EML4: variants seen among roughly 807,000 people sequenced by gnomAD.
EML4 encodes the protein echinoderm microtubule-associated protein-like 4.
In EML4, 72 loss-of-function variants were observed where a neutral mutation model predicts 129.0. The ratio of observed to expected loss-of-function variants is 0.56; its 90% CI spans 0.46 to 0.68. The LOEUF is 0.68. EML4 is among the 30% of genes least tolerant of loss of function. The pLI, the probability that EML4 is intolerant of heterozygous loss-of-function variation, is 0.00. For synonymous variants in EML4, 532 were observed against 405.0 expected (o/e 1.31, Z -3.77); for missense variants, 1,363 against 1,190.6 (o/e 1.14, Z -2.13).
chr2:42,285,694 G>A (rs925494430), intron 9 of EML4, among the ~76,000 whole-genome samples: 2 of 151,616 alleles, frequency 1.3e-5, no homozygotes, highest in African/African-American at 4.9e-5. Context: ...TGTCTCCCAG[G>A]TTCAAGCAAT....
At chr2:42,198,870 G>A (rs749086203) in intron 1 of EML4, among the ~76,000 whole-genome samples, 31 of 152,318 alleles carry the variant, frequency 2.0e-4, no homozygotes, top group Non-Finnish European at 4.3e-4. Context: ...GTACCCAGCA[G>A]CCATTGTGTA....
At chr2:42,301,511 T>C (rs1041394133) in intron 14 of EML4, 119 bp downstream of exon 14, 53 of 818,484 alleles carry the variant, frequency 6.5e-5, no homozygotes, top group Admixed American at 1.2e-4. Context: ...TTTCATTTCC[T>C]TTCCTCAAGA....
intron 19 of EML4, among the ~76,000 whole-genome samples, chr2:42,320,971 G>A (rs1480514045): frequency 2.0e-5 from 3 of 151,732 alleles, no homozygotes; most frequent in Admixed American, 2.0e-4. Flanking sequence ...CAAAAAGAGG[G>A]GGAAAAAAAG....
At chr2:42,243,499 A>G (rs915330950) in intron 1 of EML4, among the ~76,000 whole-genome samples, 24 of 152,000 alleles carry the variant, frequency 1.6e-4, no homozygotes, top group Non-Finnish European at 4.4e-5. Flanking sequence ...TGTACTTTGT[A>G]CATATCCTAG....
At chr2:42,243,057 C>T (rs537824386) in intron 1 of EML4, among the ~76,000 whole-genome samples, 8 of 152,130 alleles carry the variant, frequency 5.3e-5, no homozygotes, top group East Asian at 3.9e-4. Context: ...GGATTACAGT[C>T]GTGACCTGCC....
At chr2:42,256,309 C>T (rs751852079) in intron 2 of EML4, among the ~76,000 whole-genome samples, 192 bp from the exon 3 acceptor site, 4 of 152,080 alleles carry the variant, frequency 2.6e-5, no homozygotes, top group Non-Finnish European at 5.9e-5. Context: ...AGGTCTGTTT[C>T]GATGGGATTA....
intron 1 of EML4, among the ~76,000 whole-genome samples, chr2:42,209,208 A>G (rs1326650079): frequency 6.6e-6 from 1 of 152,242 alleles, no homozygotes; most frequent in African/African-American, 2.4e-5. Flanking sequence ...GTTTCAAAAC[A>G]TGAAATAATT....
At position 42,301,285 on chromosome 2, in the gene EML4, G is replaced by C; in HGVS notation, c.1534G>C (p.Val512Leu). 6.2e-7 allele frequency: 1 copy of C among 1,613,132 alleles called. No homozygotes were observed. Among genetic ancestry groups the C allele is most frequent in the Non-Finnish European group, 8.5e-7 (1 of 1,179,580 alleles). ...ACAAATCAAAGCTCATGATGGCAGTGTGTTCACACTTTGTCAGATGAGAAA... is the reference window on the plus strand; with the variant it reads ...ACAAATCAAAGCTCATGATGGCAGTCTGTTCACACTTTGTCAGATGAGAAA... ...SKQIKAHDGS[V>L]FTLCQMRNGM... is the part of the protein sequence containing the mutation. The change falls in exon 14 of 23, where the codon GTG becomes CTG. Residue 512 changes from valine to leucine, a missense_variant. Val to Leu is a conservative substitution (Grantham distance 32). Transcript: ENST00000318522.
intron 1 of EML4, among the ~76,000 whole-genome samples, chr2:42,222,206 T>C (rs1478966704): frequency 6.6e-6 from 1 of 152,162 alleles, no homozygotes; most frequent in African/African-American, 2.4e-5. Flanking sequence ...ATTTTATATA[T>C]TTTAAAATCA....
In EML4 at chr2:42,282,898, A is replaced by T; in HGVS notation, c.867A>T (p.Ala289=). 1 of 1,611,978 alleles carries T rather than the reference A, an allele frequency of 6.2e-7. No homozygotes were observed. The highest frequency in any genetic ancestry group is 1.1e-5 in the South Asian group (1 of 91,062). The change falls in exon 8 of 23, where the codon GCA becomes GCT. Residue 289 remains alanine, a synonymous_variant. Transcript: ENST00000318522. ...LPTGKIVYFI[A]SVVVLFNYEE... ...CCGGGAAAATAGTTTATTTCATTGC[A>T]TCAGTAGTAGTACTATTTAATTATG... is the stretch of plus-strand genomic sequence containing the variant.
intron 1 of EML4, among the ~76,000 whole-genome samples, chr2:42,235,609 TA>T (rs1460848501): frequency 3.9e-5 from 6 of 152,226 alleles, no homozygotes; most frequent in Non-Finnish European, 8.8e-5. Flanking sequence ...TATCTCAGCA[TA>T]AGTGCTTTAG....
At chr2:42,275,210 A>G (rs1283758804) in intron 6 of EML4, among the ~76,000 whole-genome samples, 2 of 152,188 alleles carry the variant, frequency 1.3e-5, no homozygotes, top group East Asian at 1.9e-4. Context: ...TGTCATTTTG[A>G]TGTGTGATCA....
intron 21 of EML4, among the ~76,000 whole-genome samples, chr2:42,327,368 G>T (rs1029570699): frequency 1.3e-5 from 2 of 152,214 alleles, no homozygotes; most frequent in Admixed American, 1.3e-4. Flanking sequence ...CCTAGGAGTA[G>T]AATTGCTGAG....
At chr2:42,206,510 A>C (rs1464486398) in intron 1 of EML4, among the ~76,000 whole-genome samples, 2 of 152,200 alleles carry the variant, frequency 1.3e-5, no homozygotes, top group Admixed American at 1.3e-4. Flanking sequence ...CACTGCACCC[A>C]GCCTGCATTT....
intron 1 of EML4, among the ~76,000 whole-genome samples, chr2:42,223,902 T>G (rs986791412): frequency 1.3e-5 from 2 of 152,160 alleles, no homozygotes; most frequent in African/African-American, 4.8e-5. Context: ...TCTGGCCTTT[T>G]CACATACTAA....
intron 11 of EML4, among the ~76,000 whole-genome samples, chr2:42,294,548 T>A (rs1253287112): frequency 6.6e-6 from 1 of 152,108 alleles, no homozygotes; most frequent in East Asian, 1.9e-4. Context: ...ATACAAAACT[T>A]AGCTGGGCAT....
At chr2:42,187,761 T>C (rs559146537) in intron 1 of EML4, among the ~76,000 whole-genome samples, 2 of 152,276 alleles carry the variant, frequency 1.3e-5, no homozygotes, top group South Asian at 2.1e-4. Flanking sequence ...TTTGCAAATA[T>C]TTTCTCCCAG....
At chr2:42,203,638 C>A (rs969703352) in intron 1 of EML4, among the ~76,000 whole-genome samples, 3 of 93,074 alleles carry the variant, frequency 3.2e-5, no homozygotes, top group Admixed American at 8.9e-5. Flanking sequence ...TTATAGCCAC[C>A]CCTTTTTTTT....
intron 1 of EML4, among the ~76,000 whole-genome samples, chr2:42,208,807 T>C (rs971263036): frequency 5.3e-5 from 8 of 151,720 alleles, no homozygotes; most frequent in African/African-American, 1.9e-4. Context: ...TTTTTTTTTT[T>C]CAGACACAGA....
Sources: gnomAD v4.1 joint callset for allele counts (sites outside exome capture counted in the v4.1 genomes callset) on GRCh38, gnomAD v4.1.1 for gene constraint, MANE v1.5 for transcripts, NCBI Gene and HGNC (gene_info 2026-07-23, HGNC 2026-07-21) for gene names.